The following TMOD1 variants were observed in gnomAD, a reference collection of about 807,000 sequenced individuals.
TMOD1 encodes tropomodulin-1.
A neutral mutation model predicts 40.6 loss-of-function variants in TMOD1; 17 were observed. That is an observed-to-expected ratio of 0.42 (90% CI 0.29 to 0.63). The LOEUF (loss-of-function observed/expected upper bound fraction) is 0.63. TMOD1 is among the 20% of genes least tolerant of loss of function. The probability of loss-of-function intolerance (pLI) is 0.22; values close to 1 mark genes in which losing one functional copy is unlikely to be tolerated. For missense variants in TMOD1, 391 were observed against 447.6 expected (o/e 0.87, Z 1.14); for synonymous variants, 181 against 175.0 (o/e 1.03, Z -0.27).
intron 1 of TMOD1, among the ~76,000 whole-genome samples, chr9:97,505,899 C>T (rs1167130486): frequency 1.3e-5 from 2 of 152,194 alleles, no homozygotes; most frequent in Non-Finnish European, 2.9e-5. Flanking sequence ...ATTCCTTCTT[C>T]CATGCTGCTC....
Position 97,599,616 on chromosome 9 carries a change from A to G in TMOD1, c.1016-18A>G. Reference sequence around the variant, plus strand: ...TACAGGGAAAAGTGCCTTATATCTTATCTCCATTCCTTTCCAGTGAGGAAG... The same window carrying G: ...TACAGGGAAAAGTGCCTTATATCTTGTCTCCATTCCTTTCCAGTGAGGAAG... On this transcript the variant is annotated intron_variant, in intron 9 of 9. Coordinates refer to ENST00000259365, the MANE Select transcript of TMOD1 (RefSeq NM_003275.4). The G allele has an allele frequency of 6.2e-7, 1 of 1,614,124 alleles. No individual in the cohort carries two copies. Among genetic ancestry groups the G allele is most frequent in the Non-Finnish European group, 8.5e-7 (1 of 1,179,980 alleles).
rs569185393 is a variant in TMOD1 at position 97,579,004 on chromosome 9, C to T, written c.870+9967C>T. Among the ~76,000 whole-genome samples, 14 of 152,290 alleles carry T rather than the reference C, an allele frequency of 9.2e-5. 1 individual carries two copies. The East Asian group carries it at 2.5e-3, about 27-fold the overall frequency. ...TTGCTGTGCCATCTCCAGGCCAAAA[C>T]GGCCAGATTCCAGGGCTGTGCTGAG... On this transcript the variant is annotated intron_variant, in intron 8 of 9. Coordinates refer to ENST00000259365, the MANE Select transcript of TMOD1 (RefSeq NM_003275.4).
At chr9:97,591,186 C>T (rs748210192) in intron 8 of TMOD1, 105 bp from the exon 9 acceptor site, 18 of 1,244,800 alleles carry the variant, frequency 1.4e-5, no homozygotes, top group Non-Finnish European at 1.7e-5. Flanking sequence ...GCTAAAATCC[C>T]CTCCCACTAC....
At chr9:97,519,544 C>A (rs1001185347) in intron 1 of TMOD1, among the ~76,000 whole-genome samples, 1 of 152,234 alleles carries the variant, frequency 6.6e-6, no homozygotes, top group African/African-American at 2.4e-5. Flanking sequence ...TTCATCACCC[C>A]CTTCCTGCCC....
At chr9:97,567,437 C>T (rs10817776) in intron 7 of TMOD1, among the ~76,000 whole-genome samples, 55,505 of 152,040 alleles carry the variant, frequency 0.37, 10,677 homozygotes, top group African/African-American at 0.48. Flanking sequence ...GGGCCCCCAC[C>T]GCCTGCCCTA....
At chr9:97,541,144 G>A (rs1020101134) in intron 2 of TMOD1, among the ~76,000 whole-genome samples, 2 of 151,522 alleles carry the variant, frequency 1.3e-5, no homozygotes, top group African/African-American at 4.8e-5. Context: ...TATAATCTTT[G>A]GAAAAATGTC....
At chr9:97,544,652 C>G (rs956474352) in intron 2 of TMOD1, among the ~76,000 whole-genome samples, 1 of 152,158 alleles carries the variant, frequency 6.6e-6, no homozygotes, top group African/African-American at 2.4e-5. Context: ...TAACAGTCCC[C>G]TCACAGAGGC....
intron 2 of TMOD1, among the ~76,000 whole-genome samples, chr9:97,530,785 G>A (rs1237583625): frequency 2.2e-4 from 25 of 113,092 alleles, no homozygotes; most frequent in African/African-American, 7.5e-4. Context: ...CACCGGGCCC[G>A]GCTTTTTTTT....
At chr9:97,512,278 C>T (rs1262286120) in intron 1 of TMOD1, among the ~76,000 whole-genome samples, 1 of 152,156 alleles carries the variant, frequency 6.6e-6, no homozygotes, top group Non-Finnish European at 1.5e-5. Flanking sequence ...CAAGTGTTGA[C>T]AAGGTTGTGG....
intron 4 of TMOD1, among the ~76,000 whole-genome samples, chr9:97,559,815 ATATATATATGTCTATCTATCTATC>A (rs1242244350): frequency 9.4e-5 from 5 of 53,128 alleles, no homozygotes; most frequent in Non-Finnish European, 1.4e-4. Flanking sequence ...ATATATATAT[ATATATATATGTCTATCTATCTATC>A]TATCTATCTA....
In TMOD1 at chr9:97,555,538, G is replaced by T. The variant is rs1435623199; in HGVS notation, c.397+2138G>T. 5 of 1,475,892 alleles carry T rather than the reference G, an allele frequency of 3.4e-6. No homozygotes were observed. The East Asian group carries it at 1.0e-4, about 30-fold the overall frequency. 91.4% of individuals were successfully genotyped at this position (1,475,892 alleles called of 1,614,324 possible). A position where few individuals can be genotyped will look rare whatever the true frequency, so the allele number is the denominator to read the frequency against. On this transcript the variant is annotated intron_variant, in intron 4 of 9. Transcript: ENST00000259365. Reference sequence around the variant, plus strand: ...GTGGCTATTTATTGTTATCTGTAACGACGCAATATGCTGCCGAAGTCTGGG... The same window carrying T: ...GTGGCTATTTATTGTTATCTGTAACTACGCAATATGCTGCCGAAGTCTGGG...
intron 8 of TMOD1, among the ~76,000 whole-genome samples, chr9:97,570,275 C>T (rs1427718924): frequency 1.3e-5 from 2 of 152,218 alleles, no homozygotes; most frequent in African/African-American, 4.8e-5. Context: ...ACTCTCATGC[C>T]TCCATGCCTT....
At chr9:97,554,288 A>G (rs1046481447) in intron 4 of TMOD1, among the ~76,000 whole-genome samples, 5 of 152,124 alleles carry the variant, frequency 3.3e-5, no homozygotes, top group Non-Finnish European at 7.4e-5. Flanking sequence ...AGAGTGAAGC[A>G]GGGTAACCTC....
At chr9:97,519,339 A>G (rs960078073) in intron 1 of TMOD1, among the ~76,000 whole-genome samples, 1 of 152,110 alleles carries the variant, frequency 6.6e-6, no homozygotes, top group African/African-American at 2.4e-5. Flanking sequence ...TATTTAACGG[A>G]GGCTTAAGGC....
intron 2 of TMOD1, among the ~76,000 whole-genome samples, chr9:97,533,051 A>G (rs912154245): frequency 2.6e-5 from 4 of 152,212 alleles, no homozygotes; most frequent in Non-Finnish European, 5.9e-5. Flanking sequence ...CAGACCTGGT[A>G]TTGCCACGTC....
At chr9:97,586,868 G>A (rs1043244905) in intron 8 of TMOD1, among the ~76,000 whole-genome samples, 163 of 152,280 alleles carry the variant, frequency 1.1e-3, no homozygotes, top group Non-Finnish European at 1.9e-3. Context: ...TTCGGCTCGC[G>A]CACGGTGCAC....
intron 8 of TMOD1, among the ~76,000 whole-genome samples, chr9:97,576,735 G>C (rs972259818): frequency 6.6e-6 from 1 of 151,750 alleles, no homozygotes; most frequent in African/African-American, 2.4e-5. Context: ...CCAGGTTCAC[G>C]CCATTCTCCT....
At chr9:97,574,958 G>T (rs151241755) in intron 8 of TMOD1, among the ~76,000 whole-genome samples, 1 of 152,266 alleles carries the variant, frequency 6.6e-6, no homozygotes, top group East Asian at 1.9e-4. Flanking sequence ...TGGACCAGTC[G>T]GCTCTCTGTA....
intron 1 of TMOD1, among the ~76,000 whole-genome samples, chr9:97,520,249 G>A (rs1425524872): frequency 6.6e-6 from 1 of 152,052 alleles, no homozygotes; most frequent in Admixed American, 6.6e-5. Context: ...GGGTCACCCA[G>A]GGAATTACTG....
Sources: gnomAD v4.1 joint callset for allele counts (sites outside exome capture counted in the v4.1 genomes callset) on GRCh38, gnomAD v4.1.1 for gene constraint, MANE v1.5 for transcripts, NCBI Gene and HGNC (gene_info 2026-07-23, HGNC 2026-07-21) for gene names.